The following GRM7 variants were observed in gnomAD, a reference collection of about 807,000 sequenced individuals.
The protein encoded by GRM7 is glutamate metabotropic receptor 7.
In GRM7, 35 loss-of-function variants were observed where a neutral mutation model predicts 84.5. The ratio of observed to expected loss-of-function variants is 0.41; its 90% CI spans 0.32 to 0.55. The LOEUF is 0.55. Ranked by LOEUF, GRM7 falls within the 20% of genes least tolerant of loss-of-function variation. The pLI is 0.19. For missense variants in GRM7, 1,003 were observed against 1,194.6 expected (o/e 0.84, Z 2.36); for synonymous variants, 487 against 455.1 (o/e 1.07, Z -0.89).
intron 4 of GRM7, among the ~76,000 whole-genome samples, chr3:7,366,593 T>C (rs1284825574): frequency 6.6e-6 from 1 of 151,908 alleles, no homozygotes; most frequent in Non-Finnish European, 1.5e-5. Flanking sequence ...ATTGTCTTTA[T>C]TTTTCTGTAA....
chr3:7,542,834 C>A (rs1692953492), intron 7 of GRM7, among the ~76,000 whole-genome samples: 1 of 152,208 alleles, frequency 6.6e-6, no homozygotes, highest in African/African-American at 2.4e-5. Flanking sequence ...GCGTGAGCCA[C>A]TGCACCCAGC....
At chr3:7,288,865 G>GTA (rs1301691272) in intron 2 of GRM7, among the ~76,000 whole-genome samples, 4 of 152,002 alleles carry the variant, frequency 2.6e-5, no homozygotes, top group East Asian at 1.9e-4. Flanking sequence ...ATGAAATAGC[G>GTA]TATATATATG....
intron 8 of GRM7, among the ~76,000 whole-genome samples, chr3:7,599,151 A>C (rs1559429690): frequency 6.6e-6 from 1 of 152,182 alleles, no homozygotes; most frequent in Non-Finnish European, 1.5e-5. Context: ...GATTTCATTT[A>C]ATGGGATATA....
intron 9 of GRM7, among the ~76,000 whole-genome samples, chr3:7,728,743 G>A (rs1404488919): frequency 6.6e-6 from 1 of 152,186 alleles, no homozygotes; most frequent in East Asian, 1.9e-4. Flanking sequence ...GGCAGATGCT[G>A]TGGAAGTTTG....
chr3:7,732,379 G>A (rs1418924877), intron 9 of GRM7, among the ~76,000 whole-genome samples: 1 of 152,176 alleles, frequency 6.6e-6, no homozygotes, highest in Non-Finnish European at 1.5e-5. Context: ...TGAGAAATTA[G>A]TGCTTCACCC....
At chr3:7,459,426 CT>C (rs1698148744) in intron 6 of GRM7, among the ~76,000 whole-genome samples, 1 of 152,118 alleles carries the variant, frequency 6.6e-6, no homozygotes, top group Non-Finnish European at 1.5e-5. Context: ...CATTTTCACA[CT>C]GCTGCACTGC....
At chr3:7,245,308 C>T (rs116748097) in intron 2 of GRM7, among the ~76,000 whole-genome samples, 1,666 of 151,850 alleles carry the variant, frequency 0.011, 20 homozygotes, top group Non-Finnish European at 0.01. Flanking sequence ...AGAAGCCAAA[C>T]GAATCTCAGG....
At chr3:7,048,714 A>G (rs1214854407) in intron 1 of GRM7, among the ~76,000 whole-genome samples, 1 of 151,966 alleles carries the variant, frequency 6.6e-6, no homozygotes, top group African/African-American at 2.4e-5. Flanking sequence ...GCATTACCTG[A>G]CATACTTACT....
At chr3:7,118,551 T>C (rs1693117576) in intron 1 of GRM7, among the ~76,000 whole-genome samples, 1 of 150,748 alleles carries the variant, frequency 6.6e-6, no homozygotes, top group Admixed American at 6.7e-5. Flanking sequence ...TGATATAGCA[T>C]AAAGTAGCAT....
intron 1 of GRM7, among the ~76,000 whole-genome samples, chr3:7,131,986 C>T (rs1693617156): frequency 6.6e-6 from 1 of 152,134 alleles, no homozygotes; most frequent in African/African-American, 2.4e-5. Context: ...TACTTCATTA[C>T]TTTTTGAATT....
chr3:7,108,303 G>A (rs1385436469), intron 1 of GRM7, among the ~76,000 whole-genome samples: 1 of 152,032 alleles, frequency 6.6e-6, no homozygotes, highest in Non-Finnish European at 1.5e-5. Context: ...TGGTTGCGTG[G>A]CCTTAGGCAA....
At chr3:7,187,723 G>A (rs1325846187) in intron 2 of GRM7, among the ~76,000 whole-genome samples, 3 of 152,182 alleles carry the variant, frequency 2.0e-5, no homozygotes, top group Non-Finnish European at 4.4e-5. Context: ...GGAAGGATTA[G>A]TAATTTTGGG....
chr3:6,981,934 C>A (rs1442537736), intron 1 of GRM7, among the ~76,000 whole-genome samples: 1 of 152,152 alleles, frequency 6.6e-6, no homozygotes, highest in African/African-American at 2.4e-5. Flanking sequence ...ATCCAGCAGT[C>A]TCTTTACTGG....
At chr3:7,647,999 G>A (rs997120454) in intron 8 of GRM7, among the ~76,000 whole-genome samples, 1 of 152,114 alleles carries the variant, frequency 6.6e-6, no homozygotes, top group Non-Finnish European at 1.5e-5. Context: ...CCAGAGAAGA[G>A]TCTTTTGCCT....
intron 2 of GRM7, among the ~76,000 whole-genome samples, chr3:7,203,797 T>C (rs1696144992): frequency 1.3e-5 from 2 of 152,196 alleles, no homozygotes; most frequent in African/African-American, 4.8e-5. Flanking sequence ...TATAAAACAT[T>C]TTGTTCTCAG....
intron 8 of GRM7, among the ~76,000 whole-genome samples, chr3:7,606,391 G>A (rs1027827151): frequency 6.6e-6 from 1 of 152,110 alleles, no homozygotes; most frequent in Non-Finnish European, 1.5e-5. Flanking sequence ...ATCTGATTAG[G>A]TGAAAGGAAA....
intron 1 of GRM7, among the ~76,000 whole-genome samples, chr3:6,942,916 G>A (rs1004854644): frequency 2.6e-5 from 4 of 152,002 alleles, no homozygotes; most frequent in African/African-American, 7.2e-5. Context: ...TTAGCCATTC[G>A]AGTATGCATG....
At chr3:7,694,527 C>A in intron 9 of GRM7, 2 of 204,348 alleles carry the variant, frequency 9.8e-6, no homozygotes, top group Non-Finnish European at 1.7e-5. Flanking sequence ...AATATCAACA[C>A]ATCTCCTGTC....
In GRM7 at chr3:7,646,965, A is replaced by T. The variant is rs878915155; in HGVS notation, c.2452-33084A>T. On this transcript the variant is annotated intron_variant, in intron 8 of 9. Transcript: ENST00000357716. ...GTCACAAGGCTGCATTACCAGGTAC[A>T]CTTGTAGAGGTGAACTGGGTCAAGG... 1.3e-5 allele frequency among the ~76,000 whole-genome samples: 2 copies of T among 152,186 alleles called. 1 individual carries two copies. The highest frequency in any genetic ancestry group is 4.1e-4 in the South Asian group (2 of 4,836).
Sources: allele counts gnomAD v4.1 joint callset (sites outside exome capture counted in the v4.1 genomes callset), GRCh38; gene constraint gnomAD v4.1.1; transcripts MANE v1.5; gene names NCBI Gene and HGNC (gene_info 2026-07-23, HGNC 2026-07-21).